Variants in ARMH4 observed in about 807,000 individuals in gnomAD.
The protein encoded by ARMH4 is armadillo like helical domain containing 4, also known as armadillo-like helical domain-containing protein 4.
In ARMH4, 49 loss-of-function variants were observed where a neutral mutation model predicts 61.9. The observed-to-expected ratio is 0.79, with a 90% CI of 0.63 to 1.00. The LOEUF (loss-of-function observed/expected upper bound fraction) is 1.00, where lower values mean the gene tolerates loss of function less well. Among genes scored for constraint, ARMH4 ranks in the 50% least tolerant of loss-of-function variants. The pLI, the probability that ARMH4 is intolerant of heterozygous loss-of-function variation, is 0.00. For synonymous variants in ARMH4, 368 were observed against 341.5 expected, an observed-to-expected ratio of 1.08 and a Z score of -0.85; for missense variants, 934 against 930.0, an observed-to-expected ratio of 1.00 and a Z score of -0.06.
chr14:58,112,921 T>A (rs1886401238), intron 4 of ARMH4, among the ~76,000 whole-genome samples: 1 of 152,218 alleles, frequency 6.6e-6, no homozygotes, highest in South Asian at 2.1e-4. Flanking sequence ...GATTTCTCTC[T>A]TTGTCTTCAT....
intron 5 of ARMH4, among the ~76,000 whole-genome samples, chr14:58,028,799 A>G (rs4901839): frequency 0.24 from 37,112 of 152,078 alleles, 4,921 homozygotes; most frequent in Non-Finnish European, 0.3. Flanking sequence ...CGTATCCAGC[A>G]CTTCTCTGTG....
rs200874016 is a variant in ARMH4, at chr14:58,133,147, T to C, written c.1564A>G (p.Thr522Ala). 1.2e-5 allele frequency: 20 copies of C among 1,614,138 alleles called. No homozygotes were observed. The East Asian group carries it at 1.8e-4, about 14-fold the overall frequency. ...QLSRRWEPLA[T>A]TISTTVVPLS... ...GGGACGACTGTAGTTGAAATTGTAG[T>C]GGCCAGAGGCTCCCATCTTCTTGAC... is the stretch of plus-strand genomic sequence containing the variant. The change falls in exon 3 of 8, where the codon ACT (threonine) becomes GCT (alanine). Residue 522 changes from threonine (T) to alanine (A), a missense_variant. Physicochemically the swap from Thr to Ala is moderately conservative, Grantham distance 58 (BLOSUM62 0). Transcript: ENST00000267485.
chr14:58,133,812 T>C (rs1887210752), intron 2 of ARMH4, among the ~76,000 whole-genome samples: 1 of 152,242 alleles, frequency 6.6e-6, no homozygotes, highest in African/African-American at 2.4e-5. Context: ...TAATATTTAC[T>C]GAGTTTCTAT....
At chr14:58,042,196 G>C (rs1390787301) in intron 5 of ARMH4, among the ~76,000 whole-genome samples, 1 of 152,108 alleles carries the variant, frequency 6.6e-6, no homozygotes, top group East Asian at 1.9e-4. Context: ...CACATAGTTG[G>C]AAATAAAACA....
chr14:58,108,659 T>C, intron 4 of ARMH4, among the ~76,000 whole-genome samples: 1 of 152,200 alleles, frequency 6.6e-6, no homozygotes, highest in East Asian at 1.9e-4. Context: ...GGGTATTTGG[T>C]TGTTGCTAAT....
At chr14:58,144,329 C>G (rs1358356221) in intron 1 of ARMH4, among the ~76,000 whole-genome samples, 3 of 151,974 alleles carry the variant, frequency 2.0e-5, no homozygotes, top group Non-Finnish European at 4.4e-5. Context: ...TTTGAGAGGC[C>G]AAGGCAGGAG....
At chr14:58,076,493 C>CAG (rs1885053981) in intron 5 of ARMH4, among the ~76,000 whole-genome samples, 1 of 152,178 alleles carries the variant, frequency 6.6e-6, no homozygotes, top group Non-Finnish European at 1.5e-5. Flanking sequence ...AAGAAGAAAA[C>CAG]AGAGGTCTGC....
chr14:58,136,985 T>C (rs1323743465), intron 2 of ARMH4, among the ~76,000 whole-genome samples: 1 of 152,192 alleles, frequency 6.6e-6, no homozygotes, highest in Non-Finnish European at 1.5e-5. Flanking sequence ...TACCTAAAGC[T>C]TTTTTTGTAA....
rs181029578 is a variant in ARMH4 at position 58,004,589 on chromosome 14, A to G, written c.*147T>C. The G allele has an allele frequency of 6.6e-4, 435 of 662,334 alleles. 2 individuals are homozygous for G. In the East Asian group the frequency reaches 0.011, roughly 16 times the overall value. 41.0% of individuals were successfully genotyped at this position (662,334 alleles called of 1,614,324 possible). A position where few individuals can be genotyped will look rare whatever the true frequency, so the allele number is the denominator to read the frequency against. On this transcript the variant is annotated 3_prime_UTR_variant, in exon 8 of 8. Coordinates refer to ENST00000267485, the MANE Select transcript of ARMH4 (RefSeq NM_001001872.4). ...ACATGCCATTTCTGCTCAGTACAAG[A>G]AAAATCTACTACCCAGCACCCAGCA...
intron 5 of ARMH4, among the ~76,000 whole-genome samples, chr14:58,018,630 TG>T (rs1882702854): frequency 1.3e-5 from 2 of 152,192 alleles, no homozygotes; most frequent in Admixed American, 1.3e-4. Flanking sequence ...TAACAAGGTT[TG>T]GCCAGGATGT....
chr14:58,044,695 A>G (rs1170504266), intron 5 of ARMH4, among the ~76,000 whole-genome samples: 1 of 152,200 alleles, frequency 6.6e-6, no homozygotes, highest in African/African-American at 2.4e-5. Flanking sequence ...AAAATGGGAG[A>G]AAAGTTTTGC....
intron 4 of ARMH4, among the ~76,000 whole-genome samples, chr14:58,123,430 T>C (rs1886794809): frequency 6.6e-6 from 1 of 152,132 alleles, no homozygotes; most frequent in South Asian, 2.1e-4. Context: ...GTTAAGGACC[T>C]AAAAGCCCAA....
At chr14:58,149,151 T>C (rs1056847635) in intron 1 of ARMH4, among the ~76,000 whole-genome samples, 2 of 152,196 alleles carry the variant, frequency 1.3e-5, no homozygotes, top group Non-Finnish European at 2.9e-5. Context: ...AACACTATTT[T>C]ATTGCCAATA....
rs763698641 is a variant in ARMH4 at position 58,129,976 on chromosome 14, G to A, written c.1831+1536C>T. Among the ~76,000 whole-genome samples the A allele has an allele frequency of 1.4e-4, 21 of 152,228 alleles. 1 individual carries two copies. The highest frequency in any genetic ancestry group is 3.3e-4 in the Admixed American group (5 of 15,290). ...AACCCCAGGACACCTTAGGCATGTC[G>A]GAAAATTCTAACATATTTCAATACA... On this transcript the variant is annotated intron_variant, in intron 4 of 7. Transcript: ENST00000267485.
intron 4 of ARMH4, among the ~76,000 whole-genome samples, chr14:58,107,952 G>C (rs1330616497): frequency 6.6e-6 from 1 of 151,996 alleles, no homozygotes; most frequent in African/African-American, 2.4e-5. Context: ...GTAGGCATAC[G>C]TTTTCCTGGG....
At chr14:58,056,392 T>C (rs1457304442) in intron 5 of ARMH4, among the ~76,000 whole-genome samples, 3 of 152,256 alleles carry the variant, frequency 2.0e-5, no homozygotes, top group Non-Finnish European at 4.4e-5. Flanking sequence ...TTCAAAATGC[T>C]ATGATATACT....
chr14:58,080,829 T>C (rs1367950330), intron 5 of ARMH4, among the ~76,000 whole-genome samples: 1 of 152,086 alleles, frequency 6.6e-6, no homozygotes, highest in African/African-American at 2.4e-5. Flanking sequence ...AGGCCAGGCA[T>C]AGTGGCTCAC....
At chr14:58,057,927 G>A (rs1884402149) in intron 5 of ARMH4, among the ~76,000 whole-genome samples, 1 of 152,160 alleles carries the variant, frequency 6.6e-6, no homozygotes, top group Admixed American at 6.5e-5. Context: ...CGGCAACACA[G>A]GAACAGTACA....
intron 4 of ARMH4, among the ~76,000 whole-genome samples, chr14:58,110,633 TTATC>T (rs1425481034): frequency 6.6e-6 from 1 of 152,168 alleles, no homozygotes; most frequent in East Asian, 1.9e-4. Context: ...ATGGGGCAAT[TTATC>T]TTTTTCATTA....
Sources: allele counts gnomAD v4.1 joint callset (sites outside exome capture counted in the v4.1 genomes callset), GRCh38; gene constraint gnomAD v4.1.1; transcripts MANE v1.5; gene names NCBI Gene and HGNC (gene_info 2026-07-23, HGNC 2026-07-21).